WDR7: variants seen among roughly 807,000 people sequenced by gnomAD.
The protein encoded by WDR7 is WD repeat-containing protein 7.
Under a neutral mutation model 169.4 loss-of-function variants are expected in WDR7, and 46 were observed. The observed-to-expected ratio is 0.27, with a 90% CI of 0.21 to 0.35. The LOEUF is 0.35. Ranked by LOEUF, WDR7 falls within the 10% of genes least tolerant of loss-of-function variation. The pLI is 1.00. For missense variants in WDR7, 1,534 were observed against 1,859.3 expected (o/e 0.83, Z 3.22); for synonymous variants, 612 against 666.8 (o/e 0.92, Z 1.27).
chr18:56,783,076 G>C (rs548734894), intron 19 of WDR7, among the ~76,000 whole-genome samples: 47 of 151,584 alleles, frequency 3.1e-4, no homozygotes, highest in Non-Finnish European at 6.0e-4. Context: ...ATTCTTAATT[G>C]TTTGAGCAAT....
intron 20 of WDR7, among the ~76,000 whole-genome samples, chr18:56,857,797 T>C (rs1052800686): frequency 2.6e-5 from 4 of 152,082 alleles, no homozygotes; most frequent in African/African-American, 9.7e-5. Flanking sequence ...CATGAAGCAG[T>C]ATGGGAGCCC....
At chr18:56,985,666 T>C (rs2047704905) in intron 26 of WDR7, among the ~76,000 whole-genome samples, 1 of 152,032 alleles carries the variant, frequency 6.6e-6, no homozygotes, top group Non-Finnish European at 1.5e-5. Context: ...GCATGTATTT[T>C]TGTTTTATAT....
chr18:56,668,390 A>G (rs1172052794), intron 1 of WDR7, among the ~76,000 whole-genome samples: 1 of 152,208 alleles, frequency 6.6e-6, no homozygotes, highest in Non-Finnish European at 1.5e-5. Flanking sequence ...CATTTCTTCT[A>G]GGAATCCTTC....
In WDR7 at chr18:56,868,208, C is replaced by G. The variant is rs17090395; in HGVS notation, c.3305-11736C>G. On this transcript the variant is annotated intron_variant, in intron 20 of 27. Coordinates refer to ENST00000254442, the MANE Select transcript of WDR7 (RefSeq NM_015285.3). Reference sequence around the variant, plus strand: ...GATCCTTTAGAGGTTCTAATTTACTCCAAACGAACCTTTAAAAAATGGTCA... The same window carrying G: ...GATCCTTTAGAGGTTCTAATTTACTGCAAACGAACCTTTAAAAAATGGTCA... Among the ~76,000 whole-genome samples, 1,422 of 152,144 alleles carry G rather than the reference C, an allele frequency of 9.3e-3. 22 individuals are homozygous for G. The highest frequency in any genetic ancestry group is 0.032 in the African/African-American group (1,339 of 41,516).
intron 26 of WDR7, among the ~76,000 whole-genome samples, chr18:56,997,153 A>G (rs2047909582): frequency 6.6e-6 from 1 of 152,222 alleles, no homozygotes; most frequent in Admixed American, 6.5e-5. Flanking sequence ...CTGGATAAAC[A>G]ATGAATTGTT....
chr18:56,994,053 T>C (rs2047860012), intron 26 of WDR7, among the ~76,000 whole-genome samples: 1 of 150,046 alleles, frequency 6.7e-6, no homozygotes, highest in Non-Finnish European at 1.5e-5. Flanking sequence ...AGGGTCTCAC[T>C]GTGTCACCCA....
intron 13 of WDR7, among the ~76,000 whole-genome samples, chr18:56,729,627 G>C (rs1456411570): frequency 1.3e-5 from 2 of 151,726 alleles, no homozygotes; most frequent in Non-Finnish European, 2.9e-5. Context: ...ATAAATTATT[G>C]ACACAGTCTA....
At chr18:56,995,105 G>T (rs1404681510) in intron 26 of WDR7, among the ~76,000 whole-genome samples, 1 of 152,152 alleles carries the variant, frequency 6.6e-6, no homozygotes. Flanking sequence ...TATTTTCTGA[G>T]TCTGGTATAA....
At chr18:56,740,545 T>C (rs1205920669) in intron 14 of WDR7, among the ~76,000 whole-genome samples, 1 of 152,142 alleles carries the variant, frequency 6.6e-6, no homozygotes, top group Non-Finnish European at 1.5e-5. Flanking sequence ...TTCTCTGCTG[T>C]TCAGATAGAA....
At chr18:56,763,921 T>A (rs1434972423) in intron 16 of WDR7, among the ~76,000 whole-genome samples, 2 of 152,166 alleles carry the variant, frequency 1.3e-5, no homozygotes, top group East Asian at 3.8e-4. Flanking sequence ...TCATTTCTGT[T>A]ATTCATAATT....
In WDR7 at chr18:56,731,395, G is replaced by T; in HGVS notation, c.1787G>T (p.Arg596Leu). 6.2e-7 allele frequency: 1 copy of T among 1,613,556 alleles called. No individual in the cohort carries two copies. Among genetic ancestry groups the T allele is most frequent in the Non-Finnish European group, 8.5e-7 (1 of 1,179,534 alleles). Residue 596 changes from arginine to leucine, a missense_variant, in exon 14 of 28, where the codon CGT becomes CTT. Physicochemically the swap from Arg to Leu is moderately radical, Grantham distance 102. Transcript: ENST00000254442. ...ATTTTTCTCGCAGGTGCATTGGATC[G>T]TTGTGTGATGGGGATAACAGCAGTT... ...VWQMDTGALDRCVMGITAVEI... is the reference protein window; with the variant it reads ...VWQMDTGALDLCVMGITAVEI...
chr18:56,809,462 G>A lies in WDR7; in HGVS notation c.3191-6569G>A, dbSNP rs559368432. Among the ~76,000 whole-genome samples the A allele has an allele frequency of 2.0e-5, 3 of 152,086 alleles. No individual in the cohort carries two copies. The South Asian group carries it at 6.2e-4, about 32-fold the overall frequency. Reference sequence around the variant, plus strand: ...AACCGTAGCTTGTGTGGTATAATTTGACAAATAAGCTCACTTATGTCAAGT... The same window carrying A: ...AACCGTAGCTTGTGTGGTATAATTTAACAAATAAGCTCACTTATGTCAAGT... On this transcript the variant is annotated intron_variant, in intron 19 of 27. Transcript: ENST00000254442.
chr18:56,840,361 C>T (rs1487105550), intron 20 of WDR7, among the ~76,000 whole-genome samples: 1 of 151,664 alleles, frequency 6.6e-6, no homozygotes, highest in African/African-American at 2.4e-5. Context: ...AATAAAATAT[C>T]GTAAAAATCA....
intron 26 of WDR7, among the ~76,000 whole-genome samples, chr18:56,999,264 G>A (rs2047941551): frequency 6.6e-6 from 1 of 152,152 alleles, no homozygotes; most frequent in African/African-American, 2.4e-5. Context: ...GTTAGAAGAA[G>A]CCTGGTGAAG....
chr18:56,936,657 C>G (rs1037619006), intron 23 of WDR7, among the ~76,000 whole-genome samples: 1 of 152,176 alleles, frequency 6.6e-6, no homozygotes, highest in Non-Finnish European at 1.5e-5. Context: ...CTGAAACCTA[C>G]TGGGCCTATG....
At chr18:56,906,324 G>T (rs886637547) in intron 21 of WDR7, among the ~76,000 whole-genome samples, 3 of 152,056 alleles carry the variant, frequency 2.0e-5, no homozygotes, top group African/African-American at 7.2e-5. Flanking sequence ...TAGATTAAGC[G>T]ATTTAGGAGA....
chr18:56,775,698 G>C (rs549092369), intron 16 of WDR7, among the ~76,000 whole-genome samples: 3 of 152,148 alleles, frequency 2.0e-5, no homozygotes, highest in Admixed American at 2.0e-4. Context: ...ATTTTTCATG[G>C]ACTTCTTTTC....
intron 21 of WDR7, among the ~76,000 whole-genome samples, chr18:56,908,565 C>CAG (rs1192959203): frequency 1.3e-5 from 2 of 152,156 alleles, no homozygotes; most frequent in Admixed American, 1.3e-4. Context: ...ATATAATGGT[C>CAG]AGACAGAGGC....
intron 1 of WDR7, among the ~76,000 whole-genome samples, chr18:56,670,252 T>C (rs2025105257): frequency 6.6e-6 from 1 of 152,190 alleles, no homozygotes; most frequent in Non-Finnish European, 1.5e-5. Flanking sequence ...CATTATTTCA[T>C]TAGTGCTTCT....
Sources: gnomAD v4.1 joint callset for allele counts (sites outside exome capture counted in the v4.1 genomes callset) on GRCh38, gnomAD v4.1.1 for gene constraint, MANE v1.5 for transcripts, NCBI Gene and HGNC (gene_info 2026-07-23, HGNC 2026-07-21) for gene names.